Variants in NHLRC3 observed in about 807,000 individuals in gnomAD.
The protein encoded by NHLRC3 is NHL repeat containing 3.
In NHLRC3, 23 loss-of-function variants were observed where a neutral mutation model predicts 32.0. That is an observed-to-expected ratio of 0.72 (90% CI 0.52 to 1.02). The LOEUF (loss-of-function observed/expected upper bound fraction) is 1.02. Ranked by LOEUF, NHLRC3 falls within the 50% of genes least tolerant of loss-of-function variation. The pLI is 0.00. For synonymous variants in NHLRC3, 159 were observed against 147.9 expected (o/e 1.08, Z -0.55); for missense variants, 407 against 406.8 (o/e 1.00, Z -0.01).
rs1464491908 is a variant in NHLRC3 at position 39,039,290 on chromosome 13, T to C, written c.237+2T>C. ...AATGGATTGGTTTACATAGGTCAAG[T>C]AAGTAAATAGAGATTTAAAAAAATT... On this transcript the variant is annotated splice_donor_variant, in intron 2 of 6. Coordinates refer to ENST00000379600, the MANE Select transcript of NHLRC3 (RefSeq NM_001012754.4). LOFTEE classifies it high-confidence loss of function. 6.2e-7 allele frequency: 1 copy of C among 1,609,482 alleles called. No homozygotes were observed.
In NHLRC3 at chr13:39,042,122, G is replaced by C. The variant is rs749974527; in HGVS notation, c.403G>C (p.Val135Leu). The change falls in exon 4 of 7, where the codon GTT becomes CTT. Residue 135 changes from valine to leucine, a missense_variant. Val to Leu is a conservative substitution (Grantham distance 32). Transcript: ENST00000379600. ...DVGSGFFGHT[V>L]KKYSSFGDLV... ...CTTTATAGGATTCTTTGGTCATACT[G>C]TTAAAAAATACAGTTCTTTTGGTGA... 2 of 1,601,342 alleles carry C rather than the reference G, an allele frequency of 1.2e-6. No homozygotes were observed. Among genetic ancestry groups the C allele is most frequent in the Admixed American group, 3.3e-5 (2 of 59,982 alleles).
chr13:39,038,589 T>TA lies in NHLRC3; in HGVS notation c.-51_-50insA. Reference sequence around the variant, plus strand: ...ACCGTTGCAGCCTGAGGCTGTCAGGTCCTCCCCCAGACACCTGCGGACCCT... The same window carrying TA: ...ACCGTTGCAGCCTGAGGCTGTCAGGTACCTCCCCCAGACACCTGCGGACCCT... On this transcript the variant is annotated 5_prime_UTR_variant, in exon 1 of 7. Coordinates refer to ENST00000379600, the MANE Select transcript of NHLRC3 (RefSeq NM_001012754.4). 6.7e-7 allele frequency: 1 copy of TA among 1,488,646 alleles called. No individual in the cohort carries two copies. The highest frequency in any genetic ancestry group is 1.4e-5 in the African/African-American group (1 of 72,554). 92.2% of individuals were successfully genotyped at this position (1,488,646 alleles called of 1,614,324 possible).
intron 5 of NHLRC3, among the ~76,000 whole-genome samples, chr13:39,046,761 A>C (rs1871694509): frequency 6.6e-6 from 1 of 152,206 alleles, no homozygotes; most frequent in African/African-American, 2.4e-5. Flanking sequence ...AGAGTACTCC[A>C]GCTTTTTAGT....
intron 1 of NHLRC3, 171 bp downstream of exon 1, chr13:39,038,894 T>C: frequency 1.5e-6 from 1 of 667,410 alleles, no homozygotes; most frequent in South Asian, 1.8e-5. Context: ...AATTTGTGTA[T>C]GTTACATCGC....
intron 4 of NHLRC3, among the ~76,000 whole-genome samples, chr13:39,043,409 T>C (rs568111866): frequency 1.1e-3 from 175 of 152,284 alleles, no homozygotes; most frequent in African/African-American, 3.8e-3. Context: ...GCCTTGCCGC[T>C]TCTAGTTTCT....
intron 3 of NHLRC3, chr13:39,041,860 G>T: frequency 2.3e-6 from 1 of 425,742 alleles, no homozygotes; most frequent in Non-Finnish European, 4.2e-6. Context: ...AGTCAATTAT[G>T]GGGATGTTAT....
intron 4 of NHLRC3, among the ~76,000 whole-genome samples, chr13:39,042,569 A>G (rs1421446098): frequency 6.6e-6 from 1 of 152,178 alleles, no homozygotes; most frequent in Non-Finnish European, 1.5e-5. Flanking sequence ...GGCTCAGGAG[A>G]TAAGTGTGTA....
Position 39,042,221 on chromosome 13 carries a change from G to T in NHLRC3, c.502G>T (p.Glu168Ter). The T allele has an allele frequency of 6.2e-7, 1 of 1,611,658 alleles. No homozygotes were observed. The highest frequency in any genetic ancestry group is 1.1e-5 in the South Asian group (1 of 91,036). The stretch of plus-strand genomic sequence containing the variant: ...TCCTTTGCAGTTTGATAACCCAGCA[G>T]AATTATATGTAGAGGACACAGGAGA... The part of the protein sequence containing the change: ...LNPLQFDNPA[E>*]LYVEDTGDIY... Residue 168 changes from glutamate to a stop codon, truncating the protein, a stop_gained, in exon 4 of 7, where the codon GAA becomes TAA. Coordinates refer to ENST00000379600, the MANE Select transcript of NHLRC3 (RefSeq NM_001012754.4). LOFTEE classifies it high-confidence loss of function.
intron 4 of NHLRC3, among the ~76,000 whole-genome samples, chr13:39,043,824 T>A (rs894832737): frequency 6.6e-6 from 1 of 152,016 alleles, no homozygotes; most frequent in African/African-American, 2.4e-5. Flanking sequence ...GCATAAACCC[T>A]AAACAATGAT....
intron 3 of NHLRC3, chr13:39,040,522 T>G (rs1442939675): frequency 6.6e-6 from 1 of 152,172 alleles, no homozygotes; most frequent in Non-Finnish European, 1.5e-5. Context: ...ATATTTTTAG[T>G]AGAAAAAGCT....
Position 39,039,217 on chromosome 13 carries a change from C to A in NHLRC3, c.166C>A (p.Pro56Thr), listed in dbSNP as rs749468869. ...GCTGGATGTGGGTTGGCCTAAGCAC[C>A]CAGAATATTTTACCGGAACAACATT... Reference protein sequence around the residue: ...YRLDVGWPKHPEYFTGTTFCV... With the variant: ...YRLDVGWPKHTEYFTGTTFCV... Residue 56 changes from proline to threonine, a missense_variant, in exon 2 of 7, where the codon CCA (proline) becomes ACA (threonine). Physicochemically the swap from Pro to Thr is conservative, Grantham distance 38. Coordinates refer to ENST00000379600, the MANE Select transcript of NHLRC3 (RefSeq NM_001012754.4). 14 of 1,613,890 alleles carry A rather than the reference C, an allele frequency of 8.7e-6. No individual in the cohort carries two copies. Among genetic ancestry groups the A allele is most frequent in the Non-Finnish European group, 1.2e-5 (14 of 1,179,836 alleles).
At position 39,039,418 on chromosome 13, in the gene NHLRC3, G is replaced by A. The variant is rs115980059; in HGVS notation, c.237+130G>A. The A allele has an allele frequency of 9.6e-4, 1,042 of 1,081,072 alleles. 12 individuals carry two copies. The African/African-American group carries it at 0.015, about 16-fold the overall frequency. The allele number at this position is 1,081,072 out of a possible 1,614,324, so 67.0% of individuals were successfully genotyped here. A position where few individuals can be genotyped will look rare whatever the true frequency, so the allele number is the denominator to read the frequency against. ...CAATTTATTTTTGAGTTGGTCTCAAGTATTTTGGTTTCGAATGTGAAAGAT... is the reference window on the plus strand; with the variant it reads ...CAATTTATTTTTGAGTTGGTCTCAAATATTTTGGTTTCGAATGTGAAAGAT... On this transcript the variant is annotated intron_variant, in intron 2 of 6. Coordinates refer to ENST00000379600, the MANE Select transcript of NHLRC3 (RefSeq NM_001012754.4).
At position 39,038,471 on chromosome 13, in the gene NHLRC3, T is replaced by C. The variant is rs749947992; in HGVS notation, c.-169T>C. 1.3e-4 allele frequency: 85 copies of C among 642,328 alleles called. No homozygotes were observed. The highest frequency in any genetic ancestry group is 2.1e-4 in the Non-Finnish European group (75 of 357,014). 39.8% of individuals were successfully genotyped at this position (642,328 alleles called of 1,614,324 possible). Reference sequence around the variant, plus strand: ...TGTGATTTTCATTCGCCCTGGTCTCTGTTCCCTTTCGTACTCAAAGCTCGT... The same window carrying C: ...TGTGATTTTCATTCGCCCTGGTCTCCGTTCCCTTTCGTACTCAAAGCTCGT... On this transcript the variant is annotated 5_prime_UTR_variant, in exon 1 of 7. Transcript: ENST00000379600.
At position 39,047,984 on chromosome 13, in the gene NHLRC3, T is replaced by C. The variant is rs1871755609; in HGVS notation, c.*58T>C. 7.3e-7 allele frequency: 1 copy of C among 1,360,918 alleles called. No individual in the cohort carries two copies. Among genetic ancestry groups the C allele is most frequent in the Non-Finnish European group, 1.0e-6 (1 of 979,840 alleles). 84.3% of individuals were successfully genotyped at this position (1,360,918 alleles called of 1,614,324 possible). The stretch of plus-strand genomic sequence containing the variant: ...TTCAGATTCTCAATTCACTAAGTGC[T>C]TAAAAATGATGTTCAAGCACAAGAA... On this transcript the variant is annotated 3_prime_UTR_variant, in exon 7 of 7. Coordinates refer to ENST00000379600, the MANE Select transcript of NHLRC3 (RefSeq NM_001012754.4).
chr13:39,047,568 G>A lies in NHLRC3; in HGVS notation c.792-106G>A. On this transcript the variant is annotated intron_variant, in intron 6 of 6. Coordinates refer to ENST00000379600, the MANE Select transcript of NHLRC3 (RefSeq NM_001012754.4). ...TCTTCTTAAAAGAATCATTCAGCAA[G>A]TAGGTGCCTACTGTTGTTTGGCACA... 3 of 754,548 alleles carry A rather than the reference G, an allele frequency of 4.0e-6. No homozygotes were observed. The South Asian group carries it at 6.0e-5, about 15-fold the overall frequency. 46.7% of individuals were successfully genotyped at this position (754,548 alleles called of 1,614,324 possible). A position where few individuals can be genotyped will look rare whatever the true frequency, so the allele number is the denominator to read the frequency against.
At position 39,049,619 on chromosome 13, in the gene NHLRC3, G is replaced by A. The variant is rs1484650489; in HGVS notation, c.*1693G>A. ...TTGTGTTTATAGCATTTATCAAAAC[G>A]TATCCTCATAGACTTTATGCAGATT... is the stretch of plus-strand genomic sequence containing the variant. On this transcript the variant is annotated 3_prime_UTR_variant, in exon 7 of 7. Transcript: ENST00000379600. 4.6e-5 allele frequency: 7 copies of A among 152,198 alleles called. No individual in the cohort carries two copies. The highest frequency in any genetic ancestry group is 2.1e-4 in the South Asian group (1 of 4,836). 9.4% of individuals were successfully genotyped at this position (152,198 alleles called of 1,614,324 possible). A position where few individuals can be genotyped will look rare whatever the true frequency, so the allele number is the denominator to read the frequency against.
Position 39,047,856 on chromosome 13 carries a change from C to T in NHLRC3, c.974C>T (p.Ala325Val), listed in dbSNP as rs1430198391. 3 of 1,613,626 alleles carry T rather than the reference C, an allele frequency of 1.9e-6. No individual in the cohort carries two copies. The highest frequency in any genetic ancestry group is 2.5e-6 in the Non-Finnish European group (3 of 1,179,688). Residue 325 changes from alanine (A) to valine (V), a missense_variant, in exon 7 of 7, where the codon GCA becomes GTA. By Grantham distance (64) the Ala-to-Val change is moderately conservative. Transcript: ENST00000379600. ...AGAAAGACTGGAGCAGTCTATGTAGCAGAAATTGGAGCAAAACAAGTACAA... is the reference window on the plus strand; with the variant it reads ...AGAAAGACTGGAGCAGTCTATGTAGTAGAAATTGGAGCAAAACAAGTACAA... ...VDRKTGAVYV[A>V]EIGAKQVQKY...
chr13:39,038,800 G>C (rs577670497), intron 1 of NHLRC3, 77 bp downstream of exon 1: 260 of 1,181,032 alleles, frequency 2.2e-4, no homozygotes, highest in Admixed American at 1.3e-3. Context: ...GTCGTGGCAT[G>C]GAGGTGGCAG....
intron 5 of NHLRC3, among the ~76,000 whole-genome samples, chr13:39,045,195 C>A (rs1371747220): frequency 6.6e-6 from 1 of 152,154 alleles, no homozygotes; most frequent in Non-Finnish European, 1.5e-5. Context: ...ATTAAATCTT[C>A]TGATCTGCCA....
Sources: gnomAD v4.1 joint callset for allele counts (sites outside exome capture counted in the v4.1 genomes callset) on GRCh38, gnomAD v4.1.1 for gene constraint, MANE v1.5 for transcripts, NCBI Gene and HGNC (gene_info 2026-07-23, HGNC 2026-07-21) for gene names.